RBFOX1: variants seen among roughly 807,000 people sequenced by gnomAD.
The protein encoded by RBFOX1 is RNA binding protein fox-1 homolog 1.
A neutral mutation model predicts 57.7 loss-of-function variants in RBFOX1; 8 were observed. The ratio of observed to expected loss-of-function variants is 0.14; its 90% CI spans 0.08 to 0.25. The LOEUF (loss-of-function observed/expected upper bound fraction) is 0.25. Among genes scored for constraint, RBFOX1 ranks in the 10% least tolerant of loss-of-function variants. The pLI, the probability that RBFOX1 is intolerant of heterozygous loss-of-function variation, is 1.00. For missense variants in RBFOX1, 611 were observed against 548.5 expected, an observed-to-expected ratio of 1.11 and a Z score of -1.14; for synonymous variants, 326 against 222.4, an observed-to-expected ratio of 1.47 and a Z score of -4.15.
chr16:6,165,113 A>G (rs1312336137), intron 1 of RBFOX1, among the ~76,000 whole-genome samples: 2 of 152,180 alleles, frequency 1.3e-5, no homozygotes, highest in Admixed American at 6.6e-5. Flanking sequence ...TCTCAGATAA[A>G]TTAATGAAAT....
chr16:6,465,447 C>G (rs1451849340), intron 2 of RBFOX1, among the ~76,000 whole-genome samples: 3 of 152,124 alleles, frequency 2.0e-5, no homozygotes, highest in East Asian at 1.9e-4. Context: ...TATATCCTTT[C>G]ATTTCTGTCT....
At chr16:6,482,290 C>G (rs902896719) in intron 2 of RBFOX1, among the ~76,000 whole-genome samples, 5 of 152,288 alleles carry the variant, frequency 3.3e-5, no homozygotes, top group East Asian at 1.9e-4. Context: ...GCAAAGCCAT[C>G]TTAGTGCACA....
At chr16:7,004,775 G>T (rs928054090) in intron 3 of RBFOX1, among the ~76,000 whole-genome samples, 2 of 152,200 alleles carry the variant, frequency 1.3e-5, no homozygotes, top group Non-Finnish European at 2.9e-5. Flanking sequence ...GGCTGTACCA[G>T]ATTAAGATAA....
At chr16:6,077,890 A>C (rs2095933168) in intron 1 of RBFOX1, among the ~76,000 whole-genome samples, 1 of 152,040 alleles carries the variant, frequency 6.6e-6, no homozygotes, top group African/African-American at 2.4e-5. Flanking sequence ...AATGTTAGGA[A>C]CATCCAAGGA....
intron 3 of RBFOX1, among the ~76,000 whole-genome samples, chr16:6,983,325 C>A (rs546613780): frequency 2.6e-4 from 40 of 151,992 alleles, no homozygotes; most frequent in Middle Eastern, 6.8e-3. Flanking sequence ...TTTCTTTAGC[C>A]GTAAATAAAT....
intron 4 of RBFOX1, among the ~76,000 whole-genome samples, chr16:7,455,729 A>G (rs932341135): frequency 3.4e-5 from 5 of 146,610 alleles, no homozygotes; most frequent in African/African-American, 7.5e-5. Context: ...AGAGGTTGCA[A>G]TGAGCCGAGA....
chr16:5,302,162 G>A (rs2063822180), intron 1 of RBFOX1, among the ~76,000 whole-genome samples: 1 of 152,116 alleles, frequency 6.6e-6, no homozygotes, highest in East Asian at 1.9e-4. Flanking sequence ...ACAGTTCAAA[G>A]TATTTTCTAA....
chr16:6,429,417 C>T (rs760248840), intron 2 of RBFOX1, among the ~76,000 whole-genome samples: 1 of 152,224 alleles, frequency 6.6e-6, no homozygotes, highest in Non-Finnish European at 1.5e-5. Flanking sequence ...ATTTACCCAA[C>T]ATTCACTTTT....
At chr16:7,327,958 CCT>C (rs1484589237) in intron 4 of RBFOX1, among the ~76,000 whole-genome samples, 3 of 152,144 alleles carry the variant, frequency 2.0e-5, no homozygotes, top group South Asian at 2.1e-4. Context: ...CTAGATACCC[CCT>C]GTCTCTCATC....
chr16:6,452,301 T>A (rs2153047977), intron 2 of RBFOX1, among the ~76,000 whole-genome samples: 1 of 151,550 alleles, frequency 6.6e-6, no homozygotes, highest in East Asian at 2.0e-4. Flanking sequence ...CATGGCTGCA[T>A]CCTTTCATGA....
intron 2 of RBFOX1, among the ~76,000 whole-genome samples, chr16:6,336,171 A>ATG (rs2083662129): frequency 3.6e-5 from 1 of 27,532 alleles, no homozygotes; most frequent in Non-Finnish European, 6.8e-5. Context: ...ATATATATAT[A>ATG]TATATATATA....
At chr16:7,682,008 T>C (rs1037496639) in intron 14 of RBFOX1, among the ~76,000 whole-genome samples, 1 of 152,190 alleles carries the variant, frequency 6.6e-6, no homozygotes, top group Admixed American at 6.6e-5. Flanking sequence ...CACCTGCCTT[T>C]GATGGCATAT....
Position 5,429,285 on chromosome 16 carries a change from C to G in RBFOX1, c.220-37931C>G, listed in dbSNP as rs566254868. 2.6e-5 allele frequency among the ~76,000 whole-genome samples: 4 copies of G among 152,314 alleles called. No individual in the cohort carries two copies. The South Asian group carries it at 8.3e-4, about 32-fold the overall frequency. ...ATTCAGCTCTCTGGGACTGCTGGCC[C>G]TCTGAGAGTCCAGGCCTTTGCGGTT... is the stretch of plus-strand genomic sequence containing the variant. On this transcript the variant is annotated intron_variant, in intron 1 of 2. Coordinates refer to the RBFOX1 transcript ENST00000585867.
intron 1 of RBFOX1, among the ~76,000 whole-genome samples, chr16:6,023,209 G>A (rs1464353925): frequency 6.6e-6 from 1 of 151,788 alleles, no homozygotes; most frequent in Non-Finnish European, 1.5e-5. Flanking sequence ...GTCTGAGCGG[G>A]TTTCTCCTCC....
At chr16:5,883,178 TTAA>T (rs774677214) in intron 4 of RBFOX1, among the ~76,000 whole-genome samples, 155 of 152,260 alleles carry the variant, frequency 1.0e-3, no homozygotes, top group Non-Finnish European at 1.8e-3. Context: ...CAGCTTCACT[TTAA>T]TAATAATTTT....
intron 4 of RBFOX1, among the ~76,000 whole-genome samples, chr16:7,209,839 C>T (rs923064325): frequency 2.6e-5 from 4 of 152,082 alleles, no homozygotes; most frequent in Admixed American, 1.3e-4. Flanking sequence ...ACAAGAGTCT[C>T]TCCAGGGAAG....
At chr16:6,330,993 A>C (rs1312272051) in intron 2 of RBFOX1, among the ~76,000 whole-genome samples, 1 of 152,230 alleles carries the variant, frequency 6.6e-6, no homozygotes, top group Admixed American at 6.5e-5. Flanking sequence ...ATTACCATCA[A>C]GGTACAGACT....
At chr16:6,247,627 G>C (rs1358415329) in intron 1 of RBFOX1, among the ~76,000 whole-genome samples, 2 of 152,144 alleles carry the variant, frequency 1.3e-5, no homozygotes, top group African/African-American at 2.4e-5. Flanking sequence ...AGGAGTCATA[G>C]TTATTATCTC....
chr16:6,220,316 T>C (rs2097364314), intron 1 of RBFOX1, among the ~76,000 whole-genome samples: 1 of 152,184 alleles, frequency 6.6e-6, no homozygotes, highest in African/African-American at 2.4e-5. Context: ...AGATACATGT[T>C]CATTTTTGTC....
Sources: gnomAD v4.1 joint callset for allele counts (sites outside exome capture counted in the v4.1 genomes callset) on GRCh38, gnomAD v4.1.1 for gene constraint, MANE v1.5 for transcripts, NCBI Gene and HGNC (gene_info 2026-07-23, HGNC 2026-07-21) for gene names.